C8orf34: variants seen among roughly 807,000 people sequenced by gnomAD.
C8orf34 encodes the protein chromosome 8 open reading frame 34.
Under a neutral mutation model 68.3 loss-of-function variants are expected in C8orf34, and 65 were observed. That is an observed-to-expected ratio of 0.95 (90% CI 0.78 to 1.17). C8orf34 has a LOEUF of 1.17. Among genes scored for constraint, C8orf34 ranks in the 50% most tolerant of loss-of-function variants. C8orf34 has a pLI of 0.00. For missense variants in C8orf34, 664 were observed against 655.4 expected, an observed-to-expected ratio of 1.01 and a Z score of -0.14; for synonymous variants, 244 against 241.2, an observed-to-expected ratio of 1.01 and a Z score of -0.11.
intron 1 of C8orf34, among the ~76,000 whole-genome samples, chr8:68,416,847 A>T (rs945470987): frequency 2.0e-4 from 30 of 152,030 alleles, no homozygotes; most frequent in African/African-American, 7.2e-4. Flanking sequence ...AGTATCTTTA[A>T]ATATTATGTC....
intron 7 of C8orf34, among the ~76,000 whole-genome samples, chr8:68,551,120 T>C (rs2130053564): frequency 1.3e-5 from 2 of 152,056 alleles, no homozygotes; most frequent in East Asian, 1.9e-4. Context: ...CTCTTTCCTC[T>C]CTTCCTGGTA....
chr8:68,651,148 A>C (rs1819346468), intron 8 of C8orf34, among the ~76,000 whole-genome samples: 1 of 152,160 alleles, frequency 6.6e-6, no homozygotes, highest in Admixed American at 6.5e-5. Flanking sequence ...ATGGATGTAC[A>C]AATCTATGTG....
chr8:68,680,236 C>G (rs1332079331), intron 8 of C8orf34, among the ~76,000 whole-genome samples: 1 of 152,086 alleles, frequency 6.6e-6, no homozygotes. Flanking sequence ...GGAAAAAAAT[C>G]TAATAATGGG....
At chr8:68,541,130 A>G (rs989681916) in intron 7 of C8orf34, among the ~76,000 whole-genome samples, 1 of 152,122 alleles carries the variant, frequency 6.6e-6, no homozygotes, top group Non-Finnish European at 1.5e-5. Context: ...AGGATGAAGT[A>G]AAATCATGCA....
chr8:68,566,593 A>G (rs1816596503), intron 7 of C8orf34, among the ~76,000 whole-genome samples: 2 of 152,152 alleles, frequency 1.3e-5, no homozygotes, highest in Non-Finnish European at 2.9e-5. Flanking sequence ...GCTTTTCTTT[A>G]GCTGCTTCCT....
At chr8:68,704,664 T>C (rs1821114541) in intron 8 of C8orf34, among the ~76,000 whole-genome samples, 1 of 152,114 alleles carries the variant, frequency 6.6e-6, no homozygotes, top group South Asian at 2.1e-4. Flanking sequence ...CCACAACTCT[T>C]CATTCCACCC....
chr8:68,487,992 C>CT (rs759115921), intron 4 of C8orf34, 31 bp from the exon 5 acceptor site: 41 of 1,535,912 alleles, frequency 2.7e-5, no homozygotes, highest in Admixed American at 7.5e-5. Context: ...GCTTCTAAAA[C>CT]TTTTTTTTAT....
At chr8:68,456,888 T>G (rs1426483601) in intron 3 of C8orf34, among the ~76,000 whole-genome samples, 1 of 152,230 alleles carries the variant, frequency 6.6e-6, no homozygotes, top group African/African-American at 2.4e-5. Context: ...CCTTGTAATA[T>G]TAACTATTTC....
chr8:68,790,171 C>T (rs1011842064), intron 12 of C8orf34, among the ~76,000 whole-genome samples: 4 of 152,178 alleles, frequency 2.6e-5, no homozygotes, highest in African/African-American at 9.7e-5. Context: ...ATTGGTATCT[C>T]CACTGATACT....
At chr8:68,517,931 A>G (rs746584850) in intron 5 of C8orf34, among the ~76,000 whole-genome samples, 4 of 152,230 alleles carry the variant, frequency 2.6e-5, no homozygotes, top group Non-Finnish European at 5.9e-5. Flanking sequence ...ATGAAACTTT[A>G]TAGGATGAAA....
intron 7 of C8orf34, among the ~76,000 whole-genome samples, chr8:68,590,096 C>T (rs1015261991): frequency 3.5e-5 from 4 of 115,002 alleles, no homozygotes; most frequent in Non-Finnish European, 5.3e-5. Flanking sequence ...AAAGAAGGAA[C>T]GAAAGAAGAA....
intron 7 of C8orf34, among the ~76,000 whole-genome samples, chr8:68,542,990 C>T (rs766336166): frequency 2.6e-5 from 4 of 151,932 alleles, no homozygotes; most frequent in Non-Finnish European, 5.9e-5. Flanking sequence ...TGTATTATTG[C>T]TTTCTCTAGT....
chr8:68,589,460 AAAGAAAG>A (rs1441141053), intron 7 of C8orf34, among the ~76,000 whole-genome samples: 1 of 32,928 alleles, frequency 3.0e-5, no homozygotes, highest in African/African-American at 1.0e-4. Context: ...AATGAAAGAG[AAAGAAAG>A]AAGAAAGAGG....
At chr8:68,564,608 G>A (rs779418660) in intron 7 of C8orf34, among the ~76,000 whole-genome samples, 4 of 152,136 alleles carry the variant, frequency 2.6e-5, no homozygotes, top group African/African-American at 7.2e-5. Flanking sequence ...GCACAGATCC[G>A]GGGTGGCAGC....
At chr8:68,347,502 A>AT (rs778931198) in intron 1 of C8orf34, among the ~76,000 whole-genome samples, 199 of 152,236 alleles carry the variant, frequency 1.3e-3, no homozygotes, top group Non-Finnish European at 2.4e-3. Flanking sequence ...GCTGGGTCAA[A>AT]TGGTAGTTCT....
intron 3 of C8orf34, among the ~76,000 whole-genome samples, chr8:68,456,106 A>AG (rs1431993943): frequency 3.3e-5 from 5 of 149,480 alleles, no homozygotes; most frequent in Non-Finnish European, 7.5e-5. Flanking sequence ...AAAAAAAAAA[A>AG]TTAGCAGGGC....
chr8:68,463,987 AGAG>A (rs1298064826), intron 3 of C8orf34, among the ~76,000 whole-genome samples: 1 of 152,198 alleles, frequency 6.6e-6, no homozygotes, highest in Non-Finnish European at 1.5e-5. Context: ...AATTAGGAAA[AGAG>A]GAAGTCAAAT....
At chr8:68,425,959 G>A (rs531992260) in intron 1 of C8orf34, among the ~76,000 whole-genome samples, 6 of 152,248 alleles carry the variant, frequency 3.9e-5, no homozygotes, top group Admixed American at 2.6e-4. Context: ...TGGATAAAGA[G>A]CATTTGTAGG....
chr8:68,768,286 G>T (rs1344432791), intron 10 of C8orf34, among the ~76,000 whole-genome samples: 1 of 152,020 alleles, frequency 6.6e-6, no homozygotes, highest in Non-Finnish European at 1.5e-5. Flanking sequence ...TATATTTCCT[G>T]CCCTACACAT....
Sources: gnomAD v4.1 joint callset for allele counts (sites outside exome capture counted in the v4.1 genomes callset) on GRCh38, gnomAD v4.1.1 for gene constraint, MANE v1.5 for transcripts, NCBI Gene and HGNC (gene_info 2026-07-23, HGNC 2026-07-21) for gene names.